POU6F2: variants seen among roughly 807,000 people sequenced by gnomAD.
The protein encoded by POU6F2 is POU domain, class 6, transcription factor 2.
In POU6F2, 31 loss-of-function variants were observed where a neutral mutation model predicts 71.3. The observed-to-expected ratio is 0.43, with a 90% CI of 0.33 to 0.59. The LOEUF is 0.59. POU6F2 is among the 20% of genes least tolerant of loss of function. POU6F2 has a pLI of 0.04. For synonymous variants in POU6F2, 347 were observed against 355.7 expected, an observed-to-expected ratio of 0.98 and a Z score of 0.27; for missense variants, 783 against 856.8, an observed-to-expected ratio of 0.91 and a Z score of 1.07.
intron 1 of POU6F2, among the ~76,000 whole-genome samples, chr7:39,001,652 G>C (rs1424398386): frequency 1.4e-5 from 1 of 71,258 alleles, no homozygotes; most frequent in Non-Finnish European, 2.7e-5. Flanking sequence ...TGGGAGAAAT[G>C]GTGATAATGG....
chr7:39,346,633 T>C (rs779805661), intron 5 of POU6F2, among the ~76,000 whole-genome samples: 1 of 152,204 alleles, frequency 6.6e-6, no homozygotes, highest in Non-Finnish European at 1.5e-5. Flanking sequence ...CAGTTTTGCC[T>C]TCATGTGCAT....
At chr7:39,390,258 T>C (rs1787039693) in intron 5 of POU6F2, among the ~76,000 whole-genome samples, 1 of 152,102 alleles carries the variant, frequency 6.6e-6, no homozygotes, top group Admixed American at 6.6e-5. Flanking sequence ...TAGCTGGGCA[T>C]GGTGGTGTGT....
chr7:39,133,151 A>C (rs1230240280), intron 2 of POU6F2, among the ~76,000 whole-genome samples: 2 of 152,244 alleles, frequency 1.3e-5, no homozygotes, highest in Non-Finnish European at 2.9e-5. Flanking sequence ...GCATGCAATC[A>C]GATAATATTG....
intron 5 of POU6F2, among the ~76,000 whole-genome samples, chr7:39,398,154 T>C (rs1787216112): frequency 6.6e-6 from 1 of 152,146 alleles, no homozygotes; most frequent in Non-Finnish European, 1.5e-5. Flanking sequence ...TTCAACTCAC[T>C]CCTTCACTCG....
At chr7:39,130,351 G>A (rs76424843) in intron 2 of POU6F2, among the ~76,000 whole-genome samples, 1 of 152,078 alleles carries the variant, frequency 6.6e-6, no homozygotes, top group Non-Finnish European at 1.5e-5. Flanking sequence ...TTTTCCTTAA[G>A]GATTTCAACT....
chr7:39,376,563 A>G (rs991497164), intron 5 of POU6F2, among the ~76,000 whole-genome samples: 1 of 152,216 alleles, frequency 6.6e-6, no homozygotes, highest in African/African-American at 2.4e-5. Context: ...TAACATTCTC[A>G]TGCTCTCTCA....
At chr7:39,142,766 A>T (rs1363002130) in intron 2 of POU6F2, among the ~76,000 whole-genome samples, 1 of 152,220 alleles carries the variant, frequency 6.6e-6, no homozygotes, top group Non-Finnish European at 1.5e-5. Context: ...AAAAAAAGTT[A>T]TAGCACCCTT....
chr7:39,135,176 A>T (rs954511952), intron 2 of POU6F2, among the ~76,000 whole-genome samples: 1 of 152,236 alleles, frequency 6.6e-6, no homozygotes, highest in East Asian at 1.9e-4. Context: ...ATCTGGATGA[A>T]ATAGACAATT....
In POU6F2 at chr7:39,406,665, C is replaced by T. The variant is rs1787439065; in HGVS notation, c.1038C>T (p.Ser346=). 1 of 1,613,832 alleles carries T rather than the reference C, an allele frequency of 6.2e-7. No homozygotes were observed. The highest frequency in any genetic ancestry group is 8.5e-7 in the Non-Finnish European group (1 of 1,179,856). The part of the protein sequence containing the change: ...AAAAAMSSIA[S]SQAFGNALSS... ...CAGCAGCCATGAGCTCCATAGCAAG[C>T]TCACAGGCCTTTGGCAATGCCCTCT... Residue 346 remains serine (S), a synonymous_variant, in exon 6 of 10, where the codon AGC becomes AGT. Coordinates refer to ENST00000518318, the MANE Select transcript of POU6F2 (RefSeq NM_001370959.1).
At chr7:39,389,557 C>G (rs1787021772) in intron 5 of POU6F2, among the ~76,000 whole-genome samples, 1 of 152,076 alleles carries the variant, frequency 6.6e-6, no homozygotes, top group Non-Finnish European at 1.5e-5. Flanking sequence ...ACCAATATTT[C>G]TAAGGTTAAA....
chr7:39,025,141 G>C (rs542573018), intron 1 of POU6F2, among the ~76,000 whole-genome samples: 3 of 152,188 alleles, frequency 2.0e-5, no homozygotes, highest in Admixed American at 6.5e-5. Context: ...GTCCTGGACT[G>C]TTTTTGGTTG....
rs986143060 is a variant in POU6F2, at chr7:39,025,053, T to C, written c.105+46995T>C. ...TTAGGGAGGATTCCCTCTTTTTCTATTGATTGGAATAGTTTCAGAAGGAAT... is the reference window on the plus strand; with the variant it reads ...TTAGGGAGGATTCCCTCTTTTTCTACTGATTGGAATAGTTTCAGAAGGAAT... On this transcript the variant is annotated intron_variant, in intron 1 of 9. Transcript: ENST00000518318. 7.9e-5 allele frequency among the ~76,000 whole-genome samples: 12 copies of C among 152,242 alleles called. No individual in the cohort carries two copies. In the South Asian group the frequency reaches 2.5e-3, roughly 32 times the overall value.
At chr7:39,249,710 C>A (rs1783880696) in intron 4 of POU6F2, among the ~76,000 whole-genome samples, 1 of 151,928 alleles carries the variant, frequency 6.6e-6, no homozygotes. Context: ...AAAAATAATC[C>A]CAAGGAAAGG....
chr7:39,067,608 A>G (rs1301382836), intron 1 of POU6F2, among the ~76,000 whole-genome samples: 1 of 152,100 alleles, frequency 6.6e-6, no homozygotes, highest in Non-Finnish European at 1.5e-5. Context: ...TAACAATACC[A>G]GTCTTTGTTG....
intron 1 of POU6F2, among the ~76,000 whole-genome samples, chr7:39,066,727 T>A (rs1390438109): frequency 6.6e-6 from 1 of 150,922 alleles, no homozygotes; most frequent in Non-Finnish European, 1.5e-5. Flanking sequence ...TTCCCCCCCT[T>A]TTTATTTTAG....
chr7:39,031,750 G>T (rs1055326179), intron 1 of POU6F2, among the ~76,000 whole-genome samples: 1 of 152,048 alleles, frequency 6.6e-6, no homozygotes, highest in African/African-American at 2.4e-5. Flanking sequence ...GCATGGTGGT[G>T]CACATCTGTA....
At chr7:39,255,514 A>G (rs943032887) in intron 4 of POU6F2, among the ~76,000 whole-genome samples, 15 of 152,326 alleles carry the variant, frequency 9.8e-5, no homozygotes, top group African/African-American at 3.6e-4. Flanking sequence ...TTGGTGGTCA[A>G]TAAATGTTTG....
At chr7:39,007,658 C>T (rs934093870) in intron 1 of POU6F2, among the ~76,000 whole-genome samples, 6 of 152,112 alleles carry the variant, frequency 3.9e-5, no homozygotes. Flanking sequence ...GTATATACCC[C>T]AATGCTATCC....
chr7:39,414,590 G>C (rs987852111), intron 6 of POU6F2, among the ~76,000 whole-genome samples: 1 of 152,204 alleles, frequency 6.6e-6, no homozygotes, highest in East Asian at 1.9e-4. Context: ...GCTTTGCTGC[G>C]GGGCGGCCCA....
Sources: allele counts gnomAD v4.1 joint callset (sites outside exome capture counted in the v4.1 genomes callset), GRCh38; gene constraint gnomAD v4.1.1; transcripts MANE v1.5; gene names NCBI Gene and HGNC (gene_info 2026-07-23, HGNC 2026-07-21).